FKBP5: variants seen among roughly 807,000 people sequenced by gnomAD.
The protein encoded by FKBP5 is FKBP prolyl isomerase 5, also known as peptidyl-prolyl cis-trans isomerase FKBP5.
Under a neutral mutation model 50.5 loss-of-function variants are expected in FKBP5, and 23 were observed. The ratio of observed to expected loss-of-function variants is 0.46; its 90% CI spans 0.33 to 0.65. FKBP5 has a LOEUF of 0.65. Ranked by LOEUF, FKBP5 falls within the 30% of genes least tolerant of loss-of-function variation. The pLI, the probability that FKBP5 is intolerant of heterozygous loss-of-function variation, is 0.02. For missense variants in FKBP5, 411 were observed against 553.1 expected (o/e 0.74, Z 2.58); for synonymous variants, 176 against 190.6 (o/e 0.92, Z 0.63).
chr6:35,705,423 T>A (rs1766290459), intron 2 of FKBP5, among the ~76,000 whole-genome samples: 1 of 150,504 alleles, frequency 6.6e-6, no homozygotes, highest in Non-Finnish European at 1.5e-5. Context: ...CACACCACCA[T>A]GCTCGGCTAA....
At chr6:35,618,779 C>G (rs1763734520) in intron 5 of FKBP5, among the ~76,000 whole-genome samples, 1 of 152,078 alleles carries the variant, frequency 6.6e-6, no homozygotes, top group African/African-American at 2.4e-5. Flanking sequence ...ACTGCAACCC[C>G]TGCCTCCCGG....
At chr6:35,672,664 G>A (rs551900068) in intron 1 of FKBP5, among the ~76,000 whole-genome samples, 3 of 152,126 alleles carry the variant, frequency 2.0e-5, no homozygotes, top group East Asian at 3.9e-4. Context: ...GGTGGCTCAC[G>A]CCTGTAATCC....
At chr6:35,621,849 G>A (rs115898072) in intron 3 of FKBP5, among the ~76,000 whole-genome samples, 4,340 of 151,982 alleles carry the variant, frequency 0.029, 187 homozygotes, top group African/African-American at 0.098. Flanking sequence ...TGAGCCAGGC[G>A]TGGTGGTGCT....
intron 9 of FKBP5, among the ~76,000 whole-genome samples, chr6:35,578,298 G>A (rs967733028): frequency 8.6e-5 from 13 of 151,996 alleles, no homozygotes; most frequent in Non-Finnish European, 1.3e-4. Flanking sequence ...CAATCCTCTC[G>A]CCTCAGCCTC....
chr6:35,672,886 C>T (rs922572458), intron 1 of FKBP5, among the ~76,000 whole-genome samples: 17 of 150,974 alleles, frequency 1.1e-4, no homozygotes, highest in Non-Finnish European at 1.8e-4. Context: ...GCCGAGATCG[C>T]GCCACTGCAC....
intron 1 of FKBP5, among the ~76,000 whole-genome samples, chr6:35,687,347 G>A (rs951253251): frequency 6.6e-6 from 1 of 152,098 alleles, no homozygotes; most frequent in Non-Finnish European, 1.5e-5. Context: ...CTGGGGGAGA[G>A]ACAAACAGAA....
chr6:35,703,076 C>T (rs1766219987), intron 2 of FKBP5, among the ~76,000 whole-genome samples: 1 of 151,992 alleles, frequency 6.6e-6, no homozygotes, highest in Non-Finnish European at 1.5e-5. Flanking sequence ...ATGGCGAAAC[C>T]CTGTCTCTAT....
chr6:35,580,161 C>G lies in FKBP5; in HGVS notation c.901G>C (p.Glu301Gln). The part of the protein sequence containing the change: ...YGKIVSWLEM[E>Q]YGLSEKESKA... ...GATTCCTTTTCTGATAAACCATATT[C>G]CATCTCTAACCAGGACACTATCTTC... is the stretch of plus-strand genomic sequence containing the variant. The change falls in exon 9 of 11, where the codon GAA becomes CAA. Residue 301 changes from glutamate (E) to glutamine (Q), a missense_variant. Physicochemically the swap from Glu to Gln is conservative, Grantham distance 29. Coordinates refer to ENST00000357266, the MANE Select transcript of FKBP5 (RefSeq NM_004117.4). The G allele has an allele frequency of 6.2e-7, 1 of 1,614,080 alleles. No homozygotes were observed. The highest frequency in any genetic ancestry group is 8.5e-7 in the Non-Finnish European group (1 of 1,179,932).
chr6:35,646,799 T>C (rs569178228), intron 1 of FKBP5, among the ~76,000 whole-genome samples: 2 of 152,332 alleles, frequency 1.3e-5, no homozygotes, highest in Admixed American at 1.3e-4. Flanking sequence ...TTCGTTCTGT[T>C]ATGGACATGG....
intron 1 of FKBP5, among the ~76,000 whole-genome samples, chr6:35,658,080 A>T (rs903936397): frequency 3.3e-5 from 5 of 150,886 alleles, no homozygotes; most frequent in Admixed American, 6.6e-5. Flanking sequence ...AAAAAAAAAA[A>T]AAAATACAAA....
At chr6:35,719,791 C>T (rs958626236) in intron 2 of FKBP5, among the ~76,000 whole-genome samples, 3 of 152,218 alleles carry the variant, frequency 2.0e-5, no homozygotes, top group Non-Finnish European at 4.4e-5. Context: ...CAGTTCAACC[C>T]CAAGCTTGAC....
rs191878277 is a variant in FKBP5 at position 35,646,764 on chromosome 6, C to T, written c.-19-3921G>A. ...CTGTCCAAAGGCGGAAAATTGCTACCCAATGCATCAGAAAGGGAACACAGT... is the reference window on the plus strand; with the variant it reads ...CTGTCCAAAGGCGGAAAATTGCTACTCAATGCATCAGAAAGGGAACACAGT... On this transcript the variant is annotated intron_variant, in intron 1 of 10. Transcript: ENST00000357266. Among the ~76,000 whole-genome samples the T allele has an allele frequency of 2.8e-3, 432 of 152,234 alleles. 1 individual carries two copies. Among genetic ancestry groups the T allele is most frequent in the Middle Eastern group, 6.8e-3 (2 of 294 alleles).
rs550878351 is a variant in FKBP5, at chr6:35,666,394, T to TAAAAAAAAAAAAAAAAAAAAAAAAAAAAA, written c.-20+22409_-20+22410insTTTTTTTTTTTTTTTTTTTTTTTTTTTTT. ...CATGCAGAAACACTACTATTATAGT[T>TAAAAAAAAAAAAAAAAAAAAAAAAAAAAA]AAAAAAAAAAAAAAAAAAAAAAAAA... On this transcript the variant is annotated intron_variant, in intron 1 of 10. Transcript: ENST00000357266. Among the ~76,000 whole-genome samples, 29 of 33,252 alleles carry TAAAAAAAAAAAAAAAAAAAAAAAAAAAAA rather than the reference T, an allele frequency of 8.7e-4. 7 individuals carry two copies. Among genetic ancestry groups the TAAAAAAAAAAAAAAAAAAAAAAAAAAAAA allele is most frequent in the South Asian group, 1.6e-3 (1 of 640 alleles). The allele number at this position is 33,252 out of a possible 152,430, so 21.8% of individuals were successfully genotyped here.
At chr6:35,657,664 A>G (rs1423945196) in intron 1 of FKBP5, among the ~76,000 whole-genome samples, 1 of 152,078 alleles carries the variant, frequency 6.6e-6, no homozygotes, top group Non-Finnish European at 1.5e-5. Context: ...TACAAGTTCC[A>G]TTTTTGAGGA....
At chr6:35,706,341 T>G (rs1455523913) in intron 2 of FKBP5, among the ~76,000 whole-genome samples, 2 of 149,672 alleles carry the variant, frequency 1.3e-5, no homozygotes, top group Non-Finnish European at 3.0e-5. Flanking sequence ...GGAGAATCAC[T>G]TGAACCTAGG....
At chr6:35,682,968 G>T (rs1765712385) in intron 1 of FKBP5, among the ~76,000 whole-genome samples, 1 of 148,930 alleles carries the variant, frequency 6.7e-6, no homozygotes, top group Non-Finnish European at 1.5e-5. Context: ...TTAAAAAAAG[G>T]TTAAAAACAT....
rs550069783 is a variant in FKBP5 at position 35,634,903 on chromosome 6, T to C, written c.250+2111A>G. Among the ~76,000 whole-genome samples, 5 of 152,078 alleles carry C rather than the reference T, an allele frequency of 3.3e-5. No individual in the cohort carries two copies. The South Asian group carries it at 1.0e-3, about 32-fold the overall frequency. ...AATGAACTAAAGACATTTAACAGCA[T>C]TTGAGGCCAGGTGTGGTGGCTCATG... On this transcript the variant is annotated intron_variant, in intron 3 of 10. Transcript: ENST00000357266.
intron 5 of FKBP5, among the ~76,000 whole-genome samples, chr6:35,617,088 A>G (rs376451892): frequency 7.3e-5 from 11 of 151,684 alleles, no homozygotes; most frequent in African/African-American, 2.7e-4. Flanking sequence ...CTATCTCCCA[A>G]CTCCTAGTCT....
intron 1 of FKBP5, among the ~76,000 whole-genome samples, chr6:35,683,505 G>GAAA (rs1357817888): frequency 6.6e-6 from 1 of 150,800 alleles, no homozygotes; most frequent in Non-Finnish European, 1.5e-5. Flanking sequence ...TCACTGTGTT[G>GAAA]CCCAGGCTGG....
Sources: allele counts gnomAD v4.1 joint callset (sites outside exome capture counted in the v4.1 genomes callset), GRCh38; gene constraint gnomAD v4.1.1; transcripts MANE v1.5; gene names NCBI Gene and HGNC (gene_info 2026-07-23, HGNC 2026-07-21).